RFT1: variants seen among roughly 807,000 people sequenced by gnomAD.
RFT1 encodes RFT1 glycolipid translocator homolog.
Under a neutral mutation model 62.2 loss-of-function variants are expected in RFT1, and 43 were observed. The observed-to-expected ratio is 0.69, with a 90% CI of 0.54 to 0.89. The LOEUF (loss-of-function observed/expected upper bound fraction) is 0.89, where lower values mean the gene tolerates loss of function less well. RFT1 is among the 40% of genes least tolerant of loss of function. The pLI, the probability that RFT1 is intolerant of heterozygous loss-of-function variation, is 0.00. For synonymous variants in RFT1, 262 were observed against 264.6 expected (o/e 0.99, Z 0.10); for missense variants, 605 against 649.9 (o/e 0.93, Z 0.75).
At chr3:53,079,541 C>A in the RFT1 span, among the ~76,000 whole-genome samples, 1 of 152,180 alleles carries the variant, frequency 6.6e-6, no homozygotes, top group African/African-American at 2.4e-5. Context: ...CGAGACCAGT[C>A]TGGCCAACAG....
the RFT1 span, among the ~76,000 whole-genome samples, chr3:53,082,173 G>C: frequency 6.6e-6 from 1 of 152,046 alleles, no homozygotes; most frequent in African/African-American, 2.4e-5. Context: ...AAACTCCTGG[G>C]CTCTAATAGA....
chr3:53,116,789 A>C lies in RFT1; in HGVS notation c.696+3095T>G, dbSNP rs555216520. On this transcript the variant is annotated intron_variant, in intron 6 of 12. Transcript: ENST00000296292. ...GCTAACTGTTTTGTATTTTTAGTAG[A>C]GACGGGGTTTCACCATGTGGGCCAG... Among the ~76,000 whole-genome samples the C allele has an allele frequency of 2.0e-5, 3 of 151,742 alleles. No homozygotes were observed. In the South Asian group the frequency reaches 6.2e-4, roughly 32 times the overall value.
chr3:53,106,962 CAAAT>C (rs1701495674), intron 7 of RFT1, 93 bp from the exon 8 acceptor site: 1 of 914,608 alleles, frequency 1.1e-6, no homozygotes, highest in Admixed American at 1.9e-5. Flanking sequence ...TTCCAGCTGA[CAAAT>C]AAAGGAGAAA....
At chr3:53,068,080 C>T in the RFT1 span, among the ~76,000 whole-genome samples, 80 of 152,320 alleles carry the variant, frequency 5.3e-4, no homozygotes, top group African/African-American at 1.9e-3. Flanking sequence ...AGAGGGTCAG[C>T]TGTAGCCAAC....
intron 10 of RFT1, chr3:53,103,396 G>T: frequency 2.8e-6 from 1 of 363,392 alleles, no homozygotes; most frequent in Non-Finnish European, 3.8e-6. Flanking sequence ...GATCCTCAGC[G>T]GCCTGGTGTT....
intron 7 of RFT1, among the ~76,000 whole-genome samples, chr3:53,108,789 C>T (rs1041239994): frequency 6.6e-6 from 1 of 151,984 alleles, no homozygotes; most frequent in African/African-American, 2.4e-5. Context: ...CAACCTCTGC[C>T]TCCCGAGTAG....
chr3:53,113,516 T>C (rs1172247653), intron 6 of RFT1, among the ~76,000 whole-genome samples: 1 of 152,194 alleles, frequency 6.6e-6, no homozygotes, highest in African/African-American at 2.4e-5. Flanking sequence ...CCTGTCTCAG[T>C]CATGTGGGCC....
At position 53,091,525 on chromosome 3, in the gene RFT1, C is replaced by T. The variant is rs1700986712; in HGVS notation, c.*378G>A. The T allele has an allele frequency of 3.8e-6, 1 of 265,026 alleles. No homozygotes were observed. The highest frequency in any genetic ancestry group is 7.5e-6 in the Non-Finnish European group (1 of 133,474). The allele number at this position is 265,026 out of a possible 1,614,324, so 16.4% of individuals were successfully genotyped here. ...TGTGAAGGGTAAAATCACTGCATCT[C>T]TTTTTCTGGGCCAGATAATTATTAA... On this transcript the variant is annotated 3_prime_UTR_variant, in exon 13 of 13. Transcript: ENST00000296292.
intron 11 of RFT1, among the ~76,000 whole-genome samples, chr3:53,098,801 CAAAAAAAAAA>C (rs35371104): frequency 8.7e-5 from 5 of 57,638 alleles, no homozygotes; most frequent in South Asian, 1.3e-3. Context: ...GACTCCATCT[CAAAAAAAAAA>C]AAAAAAAAAA....
chr3:53,087,557 G>A (rs1482746539), downstream of RFT1, among the ~76,000 whole-genome samples: 1 of 151,978 alleles, frequency 6.6e-6, no homozygotes, highest in Non-Finnish European at 1.5e-5. Context: ...GGGGGACAGG[G>A]TCTTGCTCTG....
chr3:53,084,383 G>A (rs920431470), downstream of RFT1, among the ~76,000 whole-genome samples: 2 of 152,208 alleles, frequency 1.3e-5, no homozygotes, highest in South Asian at 2.1e-4. Context: ...GGCGCTGCCC[G>A]CAGACAGTCA....
downstream of RFT1, among the ~76,000 whole-genome samples, chr3:53,087,769 C>T (rs1366320116): frequency 6.6e-6 from 1 of 152,242 alleles, no homozygotes; most frequent in African/African-American, 2.4e-5. Flanking sequence ...AATCCTCCTG[C>T]TTCAGCCTCC....
Position 53,111,921 on chromosome 3 carries a change from A to C in RFT1, c.697-13T>G, listed in dbSNP as rs928587361. The C allele has an allele frequency of 1.4e-5, 23 of 1,595,902 alleles. No homozygotes were observed. Among genetic ancestry groups the C allele is most frequent in the Non-Finnish European group, 2.0e-5 (23 of 1,165,642 alleles). ...AGTTTATAAACGCCTAGAAGAGAAA[A>C]CAAAACAAAACAAAAACATCACAGG... On this transcript the variant is annotated splice_polypyrimidine_tract_variant and intron_variant, in intron 6 of 12. Transcript: ENST00000296292.
At chr3:53,094,126 G>A (rs1335460682) in intron 11 of RFT1, among the ~76,000 whole-genome samples, 1 of 152,042 alleles carries the variant, frequency 6.6e-6, no homozygotes. Flanking sequence ...AACTATGCTT[G>A]TAATCCCAGC....
At chr3:53,101,883 C>T (rs985954627) in intron 10 of RFT1, among the ~76,000 whole-genome samples, 2 of 152,144 alleles carry the variant, frequency 1.3e-5, no homozygotes, top group South Asian at 2.1e-4. Flanking sequence ...ACTAAATATA[C>T]AAAAACTTAG....
chr3:53,101,896 G>A (rs1400514332), intron 10 of RFT1, among the ~76,000 whole-genome samples: 9 of 152,040 alleles, frequency 5.9e-5, no homozygotes, highest in African/African-American at 9.7e-5. Context: ...AAACTTAGTC[G>A]GGTGTGGTAG....
Position 53,123,842 on chromosome 3 carries a change from T to A in RFT1, c.150-2A>T. Reference sequence around the variant, plus strand: ...GTGGTTGAGTAAAGCAGCGTTAGTCTGTAAATGAAAGGGAGAAATCAATAA... The same window carrying A: ...GTGGTTGAGTAAAGCAGCGTTAGTCAGTAAATGAAAGGGAGAAATCAATAA... On this transcript the variant is annotated splice_acceptor_variant, in intron 2 of 12. Transcript: ENST00000296292. LOFTEE classifies it high-confidence loss of function. 6.2e-7 allele frequency: 1 copy of A among 1,611,352 alleles called. No homozygotes were observed. The highest frequency in any genetic ancestry group is 8.5e-7 in the Non-Finnish European group (1 of 1,177,518).
the RFT1 span, among the ~76,000 whole-genome samples, chr3:53,079,971 G>A: frequency 1.4e-5 from 2 of 143,580 alleles, no homozygotes; most frequent in South Asian, 4.1e-4. Context: ...GGCCACCGTG[G>A]CCCGGGCCTT....
the RFT1 span, among the ~76,000 whole-genome samples, chr3:53,069,856 T>G: frequency 6.6e-6 from 1 of 152,200 alleles, no homozygotes; most frequent in African/African-American, 2.4e-5. Flanking sequence ...AGGTAAACCC[T>G]GTGGGTTTCC....
Sources: gnomAD v4.1 joint callset for allele counts (sites outside exome capture counted in the v4.1 genomes callset) on GRCh38, gnomAD v4.1.1 for gene constraint, MANE v1.5 for transcripts, NCBI Gene and HGNC (gene_info 2026-07-23, HGNC 2026-07-21) for gene names.